STK17B: variants seen among roughly 807,000 people sequenced by gnomAD.
STK17B encodes the protein serine/threonine kinase 17b.
Under a neutral mutation model 42.0 loss-of-function variants are expected in STK17B, and 21 were observed. The ratio of observed to expected loss-of-function variants is 0.50; its 90% confidence interval spans 0.35 to 0.72. The LOEUF is 0.72. Among genes scored for constraint, STK17B ranks in the 30% least tolerant of loss-of-function variants. STK17B has a pLI of 0.00. For synonymous variants in STK17B, 143 were observed against 148.4 expected, an observed-to-expected ratio of 0.96 and a Z score of 0.26; for missense variants, 349 against 446.0, an observed-to-expected ratio of 0.78 and a Z score of 1.96.
intron 1 of STK17B, among the ~76,000 whole-genome samples, chr2:196,163,903 G>T (rs1699844240): frequency 1.3e-5 from 2 of 151,998 alleles, no homozygotes; most frequent in Non-Finnish European, 2.9e-5. Context: ...ACTGGGTGTA[G>T]TGGCTCGCAC....
At chr2:196,158,455 G>A (rs1699767571) in intron 2 of STK17B, among the ~76,000 whole-genome samples, 1 of 152,146 alleles carries the variant, frequency 6.6e-6, no homozygotes, top group African/African-American at 2.4e-5. Context: ...ATTTGAGAAT[G>A]CTTAACTATA....
chr2:196,157,768 C>T (rs1052768176), intron 2 of STK17B, among the ~76,000 whole-genome samples: 1 of 152,090 alleles, frequency 6.6e-6, no homozygotes, highest in African/African-American at 2.4e-5. Flanking sequence ...TTAAAGACAC[C>T]GAAAATTCAT....
intron 3 of STK17B, among the ~76,000 whole-genome samples, chr2:196,155,100 A>G (rs748892020): frequency 2.6e-5 from 4 of 152,208 alleles, no homozygotes; most frequent in Non-Finnish European, 5.9e-5. Flanking sequence ...GTTCTTATGT[A>G]TATTCATCCT....
chr2:196,162,884 C>T (rs1472296473), intron 2 of STK17B, among the ~76,000 whole-genome samples: 2 of 151,942 alleles, frequency 1.3e-5, no homozygotes, highest in East Asian at 1.9e-4. Context: ...AGTGAGACCC[C>T]GCCACAAACA....
Position 196,147,734 on chromosome 2 carries a change from A to AAT in STK17B, c.336-1680_336-1679insAT, listed in dbSNP as rs1553623730. ...TTGCTGTAAATTCATGAGACATAAT[A>AAT]TATTTTTTTTTTTTTTGAGATGGAG... On this transcript the variant is annotated intron_variant, in intron 3 of 7. Transcript: ENST00000263955. 4.8e-5 allele frequency among the ~76,000 whole-genome samples: 7 copies of AAT among 145,430 alleles called. 1 individual carries two copies. The highest frequency in any genetic ancestry group is 7.6e-5 in the Non-Finnish European group (5 of 66,096).
chr2:196,175,900 G>A (rs894529034), upstream of STK17B, among the ~76,000 whole-genome samples: 1 of 152,106 alleles, frequency 6.6e-6, no homozygotes, highest in Admixed American at 6.5e-5. Context: ...TGTTTTAGAA[G>A]GGAAGAAACC....
At chr2:196,149,331 T>C (rs932218058) in intron 3 of STK17B, among the ~76,000 whole-genome samples, 79 of 152,102 alleles carry the variant, frequency 5.2e-4, no homozygotes, top group African/African-American at 1.9e-3. Flanking sequence ...ACCCGGCTAA[T>C]TTTTTGTATT....
chr2:196,165,294 C>T (rs944264346), intron 1 of STK17B, among the ~76,000 whole-genome samples: 1 of 152,186 alleles, frequency 6.6e-6, no homozygotes, highest in African/African-American at 2.4e-5. Flanking sequence ...CCCGCAGACA[C>T]CCTGATCCCA....
chr2:196,150,857 T>C (rs970164290), intron 3 of STK17B, among the ~76,000 whole-genome samples: 1 of 152,240 alleles, frequency 6.6e-6, no homozygotes, highest in African/African-American at 2.4e-5. Flanking sequence ...ACTAGACATA[T>C]GATGTGAATA....
chr2:196,160,564 C>T (rs1441516673), intron 2 of STK17B, among the ~76,000 whole-genome samples: 1 of 152,206 alleles, frequency 6.6e-6, no homozygotes, highest in Admixed American at 6.5e-5. Flanking sequence ...GATTATGATT[C>T]TAATTTCCAT....
intron 6 of STK17B, among the ~76,000 whole-genome samples, chr2:196,140,536 G>C (rs1559408208): frequency 1.3e-5 from 2 of 150,900 alleles, no homozygotes; most frequent in Non-Finnish European, 2.9e-5. Context: ...TTTTGGGTGG[G>C]CCTGACCTAA....
chr2:196,148,887 T>C (rs1020123740), intron 3 of STK17B, among the ~76,000 whole-genome samples: 1 of 152,200 alleles, frequency 6.6e-6, no homozygotes, highest in Non-Finnish European at 1.5e-5. Flanking sequence ...CAGGATAGCA[T>C]GGTGCATATA....
chr2:196,162,665 C>T (rs1375828767), intron 2 of STK17B, among the ~76,000 whole-genome samples: 1 of 151,878 alleles, frequency 6.6e-6, no homozygotes, highest in East Asian at 1.9e-4. Flanking sequence ...TGGGAGGCCA[C>T]GGCCAGAGGA....
chr2:196,176,084 CCGA>C (rs1275884539), upstream of STK17B: 1 of 152,206 alleles, frequency 6.6e-6, no homozygotes, highest in Admixed American at 6.5e-5. Flanking sequence ...AATCATCACT[CCGA>C]TGATACAGGC....
intron 2 of STK17B, among the ~76,000 whole-genome samples, chr2:196,157,160 T>TAAAAAAAAAAAAAAA (rs1387458226): frequency 2.2e-5 from 1 of 45,368 alleles, no homozygotes; most frequent in Non-Finnish European, 6.9e-5. Context: ...AAAAAAAAAA[T>TAAAAAAAAAAAAAAA]AAAAAAAAGA....
chr2:196,173,006 G>A (rs3811630), upstream of STK17B, among the ~76,000 whole-genome samples: 38,629 of 151,916 alleles, frequency 0.25, 5,284 homozygotes, highest in Middle Eastern at 0.4. Context: ...TTGGGGTTGT[G>A]TGTTTAACTT....
chr2:196,169,259 A>G (rs1212003701), intron 1 of STK17B, among the ~76,000 whole-genome samples: 1 of 151,794 alleles, frequency 6.6e-6, no homozygotes, highest in Admixed American at 6.6e-5. Context: ...TATTTTTAGT[A>G]GACACGGGGT....
At position 196,156,449 on chromosome 2, in the gene STK17B, T is replaced by A; in HGVS notation, c.325A>T (p.Ile109Leu). ...TTAGTATATACTTACTATTCCAATA[T>A]CAAAATGATTTCACTTGTATTTTCA... ...VYENTSEIIL[I>L]LEYAAGGEIF... The change falls in exon 3 of 8, where the codon ATA becomes TTA. Residue 109 changes from isoleucine to leucine, a missense_variant. By Grantham distance (5) the Ile-to-Leu change is conservative. Transcript: ENST00000263955. The A allele has an allele frequency of 6.2e-7, 1 of 1,612,640 alleles. No individual in the cohort carries two copies. Among genetic ancestry groups the A allele is most frequent in the Non-Finnish European group, 8.5e-7 (1 of 1,179,034 alleles).
chr2:196,163,268 A>C lies in STK17B; in HGVS notation c.116T>G (p.Leu39Arg), dbSNP rs1006706069. The stretch of plus-strand genomic sequence containing the variant: ...CGTCATATGGTTTTCTTACCTCCCT[A>C]GCTCTTTAGATGTAAGTATATAGAA... ...NNFYILTSKE[L>R]GRGKFAVVRQ... Residue 39 changes from leucine (L) to arginine (R), a missense_variant, in exon 2 of 8, where the codon CTA (leucine) becomes CGA (arginine). Around this residue, in one of 3 missense-constraint regions of STK17B, gnomAD observed 256 missense variants for 347.7 expected, o/e 0.74. Coordinates refer to ENST00000263955, the MANE Select transcript of STK17B (RefSeq NM_004226.4). 1 of 1,609,300 alleles carries C rather than the reference A, an allele frequency of 6.2e-7. No individual in the cohort carries two copies. Among genetic ancestry groups the C allele is most frequent in the African/African-American group, 1.3e-5 (1 of 74,606 alleles).
Sources: allele counts gnomAD v4.1 joint callset (sites outside exome capture counted in the v4.1 genomes callset), GRCh38; gene constraint gnomAD v4.1.1; regional missense constraint gnomAD v4.1.1; transcripts MANE v1.5; gene names NCBI Gene and HGNC (gene_info 2026-07-23, HGNC 2026-07-21).